FSTL5: variants seen among roughly 807,000 people sequenced by gnomAD.
FSTL5 encodes the protein follistatin-related protein 5.
A neutral mutation model predicts 89.1 loss-of-function variants in FSTL5; 62 were observed. The observed-to-expected ratio is 0.70, with a 90% CI of 0.57 to 0.86. The LOEUF is 0.86. Ranked by LOEUF, FSTL5 falls within the 40% of genes least tolerant of loss-of-function variation. The pLI, the probability that FSTL5 is intolerant of heterozygous loss-of-function variation, is 0.00. For synonymous variants in FSTL5, 383 were observed against 346.2 expected (o/e 1.11, Z -1.18); for missense variants, 1,057 against 1,001.6 (o/e 1.06, Z -0.75).
intron 4 of FSTL5, among the ~76,000 whole-genome samples, chr4:161,892,496 G>T (rs1198255929): frequency 6.7e-6 from 1 of 150,252 alleles, no homozygotes; most frequent in African/African-American, 2.4e-5. Context: ...CTTTGCAAAA[G>T]ACATTTTGAT....
chr4:161,600,297 CA>C (rs569690111), intron 7 of FSTL5, among the ~76,000 whole-genome samples: 5 of 150,430 alleles, frequency 3.3e-5, no homozygotes, highest in Non-Finnish European at 7.4e-5. Flanking sequence ...CGAAGAGCAG[CA>C]AAAAAAGGGT....
chr4:161,723,435 A>G (rs934597129), intron 6 of FSTL5, among the ~76,000 whole-genome samples: 1 of 152,216 alleles, frequency 6.6e-6, no homozygotes, highest in African/African-American at 2.4e-5. Flanking sequence ...GGACATCAAC[A>G]ATCTGCACTG....
rs116515621 is a variant in FSTL5 at position 161,742,407 on chromosome 4, C to T, written c.727+17004G>A. The stretch of plus-strand genomic sequence containing the variant: ...TCATATTGAGGACAGAGAGAGGGGA[C>T]CAGTTTTTAAATTGTTTAGGGGAAC... On this transcript the variant is annotated intron_variant, in intron 6 of 15. Coordinates refer to ENST00000306100, the MANE Select transcript of FSTL5 (RefSeq NM_020116.5). Among the ~76,000 whole-genome samples the T allele has an allele frequency of 8.1e-3, 1,228 of 152,206 alleles. 21 individuals are homozygous for T. The highest frequency in any genetic ancestry group is 0.028 in the African/African-American group (1,150 of 41,540).
chr4:161,488,880 T>G (rs1460599152), intron 12 of FSTL5, among the ~76,000 whole-genome samples: 1 of 152,164 alleles, frequency 6.6e-6, no homozygotes, highest in Non-Finnish European at 1.5e-5. Flanking sequence ...TGTGGCATGA[T>G]TATTGCATAT....
rs148613173 is a variant in FSTL5 at position 161,848,119 on chromosome 4, G to A, written c.410-72045C>T. 4.6e-3 allele frequency among the ~76,000 whole-genome samples: 688 copies of A among 149,772 alleles called. 8 individuals carry two copies. Among genetic ancestry groups the A allele is most frequent in the African/African-American group, 0.015 (624 of 40,858 alleles). ...TCATGATGTCTTGTTTTAAGAAAAG[G>A]TAATCGTCTGCAGCATTGCAAACTT... On this transcript the variant is annotated intron_variant, in intron 4 of 15. Coordinates refer to ENST00000306100, the MANE Select transcript of FSTL5 (RefSeq NM_020116.5).
chr4:161,600,196 C>T (rs994688129), intron 7 of FSTL5, among the ~76,000 whole-genome samples: 1 of 150,640 alleles, frequency 6.6e-6, no homozygotes, highest in African/African-American at 2.5e-5. Context: ...CACACACACA[C>T]ACAAACAGTA....
intron 7 of FSTL5, among the ~76,000 whole-genome samples, chr4:161,640,516 A>G (rs986349457): frequency 6.6e-6 from 1 of 152,206 alleles, no homozygotes; most frequent in Non-Finnish European, 1.5e-5. Context: ...TATAGCAACT[A>G]AAATGAAAAG....
At chr4:161,901,084 T>C (rs1442862520) in intron 4 of FSTL5, among the ~76,000 whole-genome samples, 2 of 152,012 alleles carry the variant, frequency 1.3e-5, no homozygotes, top group African/African-American at 4.8e-5. Flanking sequence ...TATTCACTCA[T>C]ACATCACATA....
intron 6 of FSTL5, among the ~76,000 whole-genome samples, chr4:161,693,441 G>T (rs1738022285): frequency 6.6e-6 from 1 of 152,166 alleles, no homozygotes; most frequent in Non-Finnish European, 1.5e-5. Flanking sequence ...AACAATGAAA[G>T]CATCTGGTGT....
At chr4:161,935,959 T>G (rs756852656) in intron 3 of FSTL5, among the ~76,000 whole-genome samples, 12 of 151,972 alleles carry the variant, frequency 7.9e-5, no homozygotes, top group Non-Finnish European at 1.8e-4. Context: ...AAGGCAGGAG[T>G]GTCACCTGAG....
At chr4:161,561,276 A>G (rs1478355880) in intron 8 of FSTL5, among the ~76,000 whole-genome samples, 1 of 152,020 alleles carries the variant, frequency 6.6e-6, no homozygotes, top group Admixed American at 6.6e-5. Flanking sequence ...ACCTTACAGA[A>G]TTCAACTGCA....
intron 2 of FSTL5, among the ~76,000 whole-genome samples, chr4:162,051,076 G>C (rs1259010965): frequency 6.6e-6 from 1 of 151,386 alleles, no homozygotes; most frequent in Non-Finnish European, 1.5e-5. Context: ...TAAAACAAAA[G>C]GACAAAAATG....
intron 4 of FSTL5, among the ~76,000 whole-genome samples, chr4:161,807,937 A>C (rs1040995233): frequency 6.6e-6 from 1 of 152,194 alleles, no homozygotes; most frequent in Non-Finnish European, 1.5e-5. Flanking sequence ...CAGGAAGCTA[A>C]TGAACAGAGA....
intron 4 of FSTL5, among the ~76,000 whole-genome samples, chr4:161,901,187 CA>C (rs5863498): frequency 0.035 from 4,585 of 132,774 alleles, 190 homozygotes; most frequent in African/African-American, 0.1. Context: ...AAATCTAGAC[CA>C]AAAAAAAAAA....
At chr4:161,563,043 T>G (rs2126573595) in intron 8 of FSTL5, among the ~76,000 whole-genome samples, 1 of 152,108 alleles carries the variant, frequency 6.6e-6, no homozygotes, top group South Asian at 2.1e-4. Context: ...TCAACATGTG[T>G]GGGCTACAAG....
chr4:161,779,651 T>A (rs548621416), intron 4 of FSTL5, among the ~76,000 whole-genome samples: 1 of 151,098 alleles, frequency 6.6e-6, no homozygotes, highest in Non-Finnish European at 1.5e-5. Context: ...CCACTAACTT[T>A]ATTTCTCTCA....
intron 7 of FSTL5, among the ~76,000 whole-genome samples, chr4:161,620,037 T>C (rs1275812416): frequency 6.6e-6 from 1 of 151,752 alleles, no homozygotes; most frequent in Non-Finnish European, 1.5e-5. Context: ...ATGTCCTTTG[T>C]AGGGACATGG....
At chr4:161,583,466 C>T (rs1733502910) in intron 8 of FSTL5, among the ~76,000 whole-genome samples, 1 of 152,126 alleles carries the variant, frequency 6.6e-6, no homozygotes, top group Non-Finnish European at 1.5e-5. Flanking sequence ...CCTTTGAGCC[C>T]CTGTCCTTTT....
intron 1 of FSTL5, among the ~76,000 whole-genome samples, chr4:162,153,637 T>TATATATATTATATATGTATATAATA (rs1561048741): frequency 6.5e-5 from 8 of 123,594 alleles, no homozygotes; most frequent in African/African-American, 2.2e-4. Flanking sequence ...TATATAATAA[T>TATATATATTATATATGTATATAATA]ATATGTATAT....
Sources: gnomAD v4.1 joint callset for allele counts (sites outside exome capture counted in the v4.1 genomes callset) on GRCh38, gnomAD v4.1.1 for gene constraint, MANE v1.5 for transcripts, NCBI Gene and HGNC (gene_info 2026-07-23, HGNC 2026-07-21) for gene names.